Variants in CCDC3 observed in about 807,000 individuals in gnomAD.
The protein encoded by CCDC3 is coiled-coil domain-containing protein 3.
In CCDC3, 24 loss-of-function variants were observed where a neutral mutation model predicts 21.4. The observed-to-expected ratio is 1.12, with a 90% CI of 0.81 to 1.58. The LOEUF (loss-of-function observed/expected upper bound fraction) is 1.58, where lower values mean the gene tolerates loss of function less well. CCDC3 is among the 40% of genes most tolerant of loss of function. The pLI is 0.00. For missense variants in CCDC3, 425 were observed against 360.9 expected, an observed-to-expected ratio of 1.18 and a Z score of -1.44; for synonymous variants, 186 against 166.0, an observed-to-expected ratio of 1.12 and a Z score of -0.93.
At chr10:13,041,727 A>C (rs929623006) in intron 5 of CCDC3, among the ~76,000 whole-genome samples, 1 of 151,506 alleles carries the variant, frequency 6.6e-6, no homozygotes, top group Non-Finnish European at 1.5e-5. Flanking sequence ...ACCTCAAGTG[A>C]TCCACCTGCC....
intron 2 of CCDC3, among the ~76,000 whole-genome samples, chr10:12,962,386 C>T (rs1458231323): frequency 6.6e-6 from 1 of 152,146 alleles, no homozygotes; most frequent in African/African-American, 2.4e-5. Flanking sequence ...AGGCGGATCA[C>T]GAGGTCAAGA....
At position 12,990,263 on chromosome 10, in the gene CCDC3, C is replaced by CCA. The variant is rs770072082; in HGVS notation, c.549+8074_549+8075insTG. Among the ~76,000 whole-genome samples the CCA allele has an allele frequency of 3.0e-5, 3 of 99,806 alleles. No homozygotes were observed. The East Asian group carries it at 9.1e-4, about 30-fold the overall frequency. The allele number at this position is 99,806 out of a possible 152,430, so 65.5% of individuals were successfully genotyped here. On this transcript the variant is annotated intron_variant, in intron 2 of 2. Coordinates refer to ENST00000378825, the MANE Select transcript of CCDC3 (RefSeq NM_031455.4). Reference sequence around the variant, plus strand: ...CAAAAAAGCGAGACTCCGTCTCAACCAAAAAAAAAAAAAAAAAGAATGTCT... The same window carrying CCA: ...CAAAAAAGCGAGACTCCGTCTCAACCCAAAAAAAAAAAAAAAAAAGAATGTCT...
At chr10:13,030,505 T>G (rs996052358) in intron 5 of CCDC3, among the ~76,000 whole-genome samples, 1 of 152,114 alleles carries the variant, frequency 6.6e-6, no homozygotes, top group African/African-American at 2.4e-5. Flanking sequence ...TAACCTTAAA[T>G]GTAAATAGGC....
At chr10:13,093,111 A>G (rs1030339408) in intron 3 of CCDC3, among the ~76,000 whole-genome samples, 2 of 146,316 alleles carry the variant, frequency 1.4e-5, no homozygotes, top group South Asian at 2.1e-4. Context: ...AACCAGCTGT[A>G]TTAGTCTGTT....
chr10:12,934,356 T>G (rs1306899790), intron 2 of CCDC3, among the ~76,000 whole-genome samples: 4 of 152,230 alleles, frequency 2.6e-5, no homozygotes, highest in Non-Finnish European at 2.9e-5. Flanking sequence ...AGGTATGTTT[T>G]ATGACCCAGA....
chr10:13,074,154 T>TATATATTTA (rs1491463766), intron 3 of CCDC3: 1 of 39,938 alleles, frequency 2.5e-5, no homozygotes, highest in African/African-American at 1.2e-4. Flanking sequence ...TATATATATA[T>TATATATTTA]TTTTTTTTTT....
intron 2 of CCDC3, among the ~76,000 whole-genome samples, chr10:12,898,977 G>T (rs1289081675): frequency 6.6e-6 from 1 of 152,200 alleles, no homozygotes; most frequent in African/African-American, 2.4e-5. Context: ...AAAAAGGAAA[G>T]AGCCCCGCTT....
intron 5 of CCDC3, among the ~76,000 whole-genome samples, chr10:13,025,620 T>C (rs1765486881): frequency 6.6e-6 from 1 of 152,256 alleles, no homozygotes; most frequent in Non-Finnish European, 1.5e-5. Context: ...ACCTGTTTTA[T>C]GTTGTCTACG....
At chr10:13,002,422 C>G (rs1835871077), upstream of CCDC3, among the ~76,000 whole-genome samples, 1 of 152,262 alleles carries the variant, frequency 6.6e-6, no homozygotes, top group South Asian at 2.1e-4. Flanking sequence ...AGGTCTATAT[C>G]TGTCACCCAG....
intron 2 of CCDC3, among the ~76,000 whole-genome samples, chr10:12,975,072 C>T (rs1589027426): frequency 1.3e-5 from 2 of 152,170 alleles, no homozygotes; most frequent in African/African-American, 2.4e-5. Flanking sequence ...CCAGGAGTCT[C>T]GTCCATGCCA....
intron 5 of CCDC3, among the ~76,000 whole-genome samples, chr10:13,037,409 A>T (rs886300732): frequency 2.0e-5 from 3 of 152,188 alleles, no homozygotes; most frequent in Non-Finnish European, 4.4e-5. Flanking sequence ...ACTTGATCCT[A>T]CATAAAAATT....
chr10:13,039,608 G>C (rs1836423183), intron 5 of CCDC3, among the ~76,000 whole-genome samples: 1 of 152,152 alleles, frequency 6.6e-6, no homozygotes, highest in African/African-American at 2.4e-5. Flanking sequence ...AAGTTAATTA[G>C]GATGTTTTTC....
At chr10:13,069,223 C>A (rs1836855792) in intron 4 of CCDC3, among the ~76,000 whole-genome samples, 1 of 152,080 alleles carries the variant, frequency 6.6e-6, no homozygotes, top group South Asian at 2.1e-4. Context: ...CCATTGCACT[C>A]CAGCCTGGGC....
intron 1 of CCDC3, among the ~76,000 whole-genome samples, chr10:12,999,891 C>A (rs1331388558): frequency 6.6e-6 from 1 of 152,196 alleles, no homozygotes; most frequent in African/African-American, 2.4e-5. Flanking sequence ...CTCTCTCAGT[C>A]TCACTGGCTT....
chr10:12,906,525 G>C lies in CCDC3; in HGVS notation c.550-7846C>G, dbSNP rs552277505. ...GGGGAGGAGGTAGCCGGGCAGTGTG[G>C]GTAGGAAGGGGTTTTGGACTCAGGT... On this transcript the variant is annotated intron_variant, in intron 2 of 2. Transcript: ENST00000378825. Among the ~76,000 whole-genome samples, 3 of 152,234 alleles carry C rather than the reference G, an allele frequency of 2.0e-5. No individual in the cohort carries two copies. In the East Asian group the frequency reaches 5.8e-4, roughly 30 times the overall value.
intron 2 of CCDC3, among the ~76,000 whole-genome samples, chr10:12,936,042 T>A (rs552181921): frequency 6.6e-6 from 1 of 152,360 alleles, no homozygotes; most frequent in African/African-American, 2.4e-5. Flanking sequence ...ACATTGTATC[T>A]TGACTTACTC....
intron 3 of CCDC3, among the ~76,000 whole-genome samples, chr10:13,096,103 T>TTTCCTTCC (rs145259198): frequency 1.3e-5 from 2 of 151,524 alleles, no homozygotes; most frequent in African/African-American, 2.4e-5. Context: ...TTTCTTTTCT[T>TTTCCTTCC]TTCCTTCCTT....
Position 12,998,367 on chromosome 10 carries a change from T to C in CCDC3, c.520A>G (p.Ser174Gly). The C allele has an allele frequency of 1.2e-6, 2 of 1,614,156 alleles. No homozygotes were observed. The highest frequency in any genetic ancestry group is 1.6e-4 in the Middle Eastern group (1 of 6,062). ...SQGQQLATFS[S>G]DWEIQEDSRL... The stretch of plus-strand genomic sequence containing the variant: ...CTGTCTTCCTGGATTTCCCAGTCAC[T>C]GGAGAAAGTCGCCAGCTGCTGCCCT... The change falls in exon 2 of 3, where the codon AGT becomes GGT. Residue 174 changes from serine (S) to glycine (G), a missense_variant. Physicochemically the swap from Ser to Gly is moderately conservative, Grantham distance 56 (BLOSUM62 0). Transcript: ENST00000378825.
chr10:13,098,710 A>ATTTTTTGTTTTTTTTTT (rs1832666982), intron 2 of CCDC3: 2 of 64,854 alleles, frequency 3.1e-5, no homozygotes, highest in Non-Finnish European at 5.3e-5. Flanking sequence ...TCCTGCACTG[A>ATTTTTTGTTTTTTTTTT]TTTTTTTTTT....
Sources: gnomAD v4.1 joint callset for allele counts (sites outside exome capture counted in the v4.1 genomes callset) on GRCh38, gnomAD v4.1.1 for gene constraint, MANE v1.5 for transcripts, NCBI Gene and HGNC (gene_info 2026-07-23, HGNC 2026-07-21) for gene names.